PLEKHJ1: variants seen among roughly 807,000 people sequenced by gnomAD.
PLEKHJ1 encodes pleckstrin homology domain-containing family J member 1.
PLEKHJ1 carries 20 observed loss-of-function variants against 21.7 expected under a neutral mutation model. The ratio of observed to expected loss-of-function variants is 0.92; its 90% CI spans 0.65 to 1.34. The LOEUF is 1.34. PLEKHJ1 is among the 40% of genes most tolerant of loss of function. The probability of loss-of-function intolerance (pLI) is 0.00; values close to 1 mark genes in which losing one functional copy is unlikely to be tolerated. For synonymous variants in PLEKHJ1, 113 were observed against 80.6 expected (o/e 1.40, Z -2.15); for missense variants, 241 against 202.0 (o/e 1.19, Z -1.17).
chr19:2,232,160 CTG>C (rs1167240233), downstream of PLEKHJ1: 1 of 219,168 alleles, frequency 4.6e-6, no homozygotes, highest in Non-Finnish European at 9.1e-6. Context: ...CTGCTGCTGA[CTG>C]TGGGTGGGCG....
At chr19:2,235,738 G>C (rs931418442) in intron 3 of PLEKHJ1, 24 bp downstream of exon 3, 95 of 1,540,386 alleles carry the variant, frequency 6.2e-5, no homozygotes, top group Non-Finnish European at 7.8e-5. Context: ...GGGAAGCGCC[G>C]CTGGCTTCCC....
At chr19:2,230,303 C>CAA (rs2024543836), downstream of PLEKHJ1, 1 of 416,350 alleles carries the variant, frequency 2.4e-6, no homozygotes, top group African/African-American at 2.1e-5. Context: ...GGCCCGTCGC[C>CAA]ACCACATTCC....
At chr19:2,231,863 G>C (rs985749172), downstream of PLEKHJ1, 2 of 220,344 alleles carry the variant, frequency 9.1e-6, no homozygotes, top group African/African-American at 4.5e-5. Context: ...TGCCCACGCA[G>C]GCCACCGTAT....
chr19:2,234,150 C>T lies in PLEKHJ1; in HGVS notation c.320G>A (p.Ser107Asn), dbSNP rs200839174. The change falls in exon 4 of 6, where the codon AGC becomes AAC. Residue 107 changes from serine to asparagine, a missense_variant and splice_region_variant. Coordinates refer to ENST00000326631, the MANE Select transcript of PLEKHJ1 (RefSeq NM_018049.3). ...AGTGCCCACCACCGCCTGGCCCCACCTGGCCCGACGCAGAGCCTCCATCCA... is the reference window on the plus strand; with the variant it reads ...AGTGCCCACCACCGCCTGGCCCCACTTGGCCCGACGCAGAGCCTCCATCCA... The part of the protein sequence containing the change: ...QEWMEALRRA[S>N]YEFMRRSLIF... The T allele has an allele frequency of 6.6e-5, 106 of 1,612,410 alleles. No homozygotes were observed. The highest frequency in any genetic ancestry group is 8.6e-5 in the Non-Finnish European group (102 of 1,179,972).
Position 2,236,299 on chromosome 19 carries a change from C to G in PLEKHJ1, c.-51G>C. On this transcript the variant is annotated 5_prime_UTR_variant, in exon 1 of 6. Coordinates refer to ENST00000326631, the MANE Select transcript of PLEKHJ1 (RefSeq NM_018049.3). ...GCCGCGCCCTCCCGGCCGCCGTCCC[C>G]GCTCAGGCTGGGGCCGGCGCCAAAA... is the stretch of plus-strand genomic sequence containing the variant. 3 of 1,210,432 alleles carry G rather than the reference C, an allele frequency of 2.5e-6. No individual in the cohort carries two copies. The highest frequency in any genetic ancestry group is 2.1e-5 in the South Asian group (1 of 47,800). 75.0% of individuals were successfully genotyped at this position (1,210,432 alleles called of 1,614,324 possible).
At chr19:2,234,474 G>A (rs889063429) in intron 3 of PLEKHJ1, 14 of 490,606 alleles carry the variant, frequency 2.9e-5, no homozygotes, top group South Asian at 5.7e-5. Context: ...GCTTTGAGAG[G>A]CCAAGGTGGG....
Position 2,233,555 on chromosome 19 carries a change from C to T in PLEKHJ1, c.*285G>A. 1.9e-6 allele frequency: 1 copy of T among 526,362 alleles called. No individual in the cohort carries two copies. Among genetic ancestry groups the T allele is most frequent in the Non-Finnish European group, 3.4e-6 (1 of 297,060 alleles). The allele number at this position is 526,362 out of a possible 1,614,324, so 32.6% of individuals were successfully genotyped here. ...CCTGGCTTCAGGCTTTGGATGTCTC[C>T]AAACCAAAAACCTCCCACTGAAAAT... On this transcript the variant is annotated 3_prime_UTR_variant, in exon 6 of 6. Coordinates refer to ENST00000326631, the MANE Select transcript of PLEKHJ1 (RefSeq NM_018049.3).
chr19:2,231,277 G>A (rs1186660840), downstream of PLEKHJ1: 1 of 224,482 alleles, frequency 4.5e-6, no homozygotes, highest in East Asian at 6.4e-5. Context: ...GCATCGGGGA[G>A]CCCCTTCCCC....
intron 1 of PLEKHJ1, 69 bp downstream of exon 1, chr19:2,236,086 A>T (rs984837945): frequency 7.2e-7 from 1 of 1,385,392 alleles, no homozygotes; most frequent in East Asian, 3.0e-5. Context: ...GGCCTCCGGC[A>T]CCCCCGCCCA....
chr19:2,233,633 G>A lies in PLEKHJ1; in HGVS notation c.*207C>T, dbSNP rs1230216129. ...TCATGCCTGTGATCCCCGCTACTTGGGAAGCTGAGGCAGGAGGATCACTTG... is the reference window on the plus strand; with the variant it reads ...TCATGCCTGTGATCCCCGCTACTTGAGAAGCTGAGGCAGGAGGATCACTTG... On this transcript the variant is annotated 3_prime_UTR_variant, in exon 6 of 6. Coordinates refer to ENST00000326631, the MANE Select transcript of PLEKHJ1 (RefSeq NM_018049.3). 10 of 573,858 alleles carry A rather than the reference G, an allele frequency of 1.7e-5. No homozygotes were observed. The Admixed American group carries it at 3.2e-4, about 18-fold the overall frequency. The allele number at this position is 573,858 out of a possible 1,614,324, so 35.5% of individuals were successfully genotyped here.
rs1025663357 is a variant in PLEKHJ1 at position 2,235,997 on chromosome 19, G to A, written c.95-7C>T. On this transcript the variant is annotated splice_region_variant and splice_polypyrimidine_tract_variant and intron_variant, in intron 1 of 5. Coordinates refer to ENST00000326631, the MANE Select transcript of PLEKHJ1 (RefSeq NM_018049.3). ...ACCAGCCGCCGCTTCAGCACTGCGG[G>A]CACAGCGCGCACTCAGGGGCGCAGG... is the stretch of plus-strand genomic sequence containing the variant. 2 of 1,604,030 alleles carry A rather than the reference G, an allele frequency of 1.2e-6. No homozygotes were observed. The highest frequency in any genetic ancestry group is 1.7e-4 in the Middle Eastern group (1 of 5,976).
intron 3 of PLEKHJ1, chr19:2,235,149 C>T (rs2024753074): frequency 6.6e-6 from 1 of 152,330 alleles, no homozygotes; most frequent in Admixed American, 6.5e-5. Context: ...GCCAAGGAAC[C>T]TGGAGGATAC....
Position 2,236,138 on chromosome 19 carries a change from TC to T in PLEKHJ1, c.94+16del. The T allele has an allele frequency of 6.8e-7, 1 of 1,464,182 alleles. No individual in the cohort carries two copies. Among genetic ancestry groups the T allele is most frequent in the Non-Finnish European group, 9.0e-7 (1 of 1,109,604 alleles). The allele number at this position is 1,464,182 out of a possible 1,614,324, so 90.7% of individuals were successfully genotyped here. On this transcript the variant is annotated intron_variant, in intron 1 of 5. Transcript: ENST00000326631. ...TCCCGCCCCTGGCACTGTCTCGGTC[TC>T]CCGGGTCCCGCTCACCGCTGCCCTT...
chr19:2,234,252 AC>A lies in PLEKHJ1; in HGVS notation c.230-13del. 1 of 1,606,290 alleles carries A rather than the reference AC, an allele frequency of 6.2e-7. No individual in the cohort carries two copies. The highest frequency in any genetic ancestry group is 8.5e-7 in the Non-Finnish European group (1 of 1,174,618). On this transcript the variant is annotated splice_polypyrimidine_tract_variant and intron_variant, in intron 3 of 5. Coordinates refer to ENST00000326631, the MANE Select transcript of PLEKHJ1 (RefSeq NM_018049.3). Reference sequence around the variant, plus strand: ...GTCCTCAATGAAGCCTGGGGATGGAACACCTGTGGTCGGTCCTACCCACAGC... The same window carrying A: ...GTCCTCAATGAAGCCTGGGGATGGAAACCTGTGGTCGGTCCTACCCACAGC...
At chr19:2,230,108 G>T (rs2024533668), downstream of PLEKHJ1, 1 of 545,062 alleles carries the variant, frequency 1.8e-6, no homozygotes, top group African/African-American at 1.9e-5. Flanking sequence ...TCTATATAAA[G>T]ACACGTGTCT....
downstream of PLEKHJ1, chr19:2,232,144 GTGC>G (rs569920372): frequency 3.1e-5 from 7 of 223,298 alleles, no homozygotes; most frequent in Admixed American, 1.1e-4. Context: ...GCGGGGACCT[GTGC>G]TGCTGCTGCT....
chr19:2,234,571 T>C (rs2024733845), intron 3 of PLEKHJ1: 1 of 284,224 alleles, frequency 3.5e-6, no homozygotes, highest in Non-Finnish European at 6.7e-6. Flanking sequence ...TAGCCAGGTG[T>C]GGTGGTGGGG....
Position 2,234,131 on chromosome 19 carries a change from C to T in PLEKHJ1, c.320+19G>A. On this transcript the variant is annotated intron_variant, in intron 4 of 5. Coordinates refer to ENST00000326631, the MANE Select transcript of PLEKHJ1 (RefSeq NM_018049.3). ...CTGCTGTGCCCACCCCAGCAGTGCC[C>T]ACCACCGCCTGGCCCCACCTGGCCC... The T allele has an allele frequency of 6.2e-7, 1 of 1,612,236 alleles. No homozygotes were observed. The highest frequency in any genetic ancestry group is 1.1e-5 in the South Asian group (1 of 91,062).
At chr19:2,234,619 G>A in intron 3 of PLEKHJ1, 1 of 236,228 alleles carries the variant, frequency 4.2e-6, no homozygotes, top group Non-Finnish European at 8.4e-6. Flanking sequence ...AGAAGTGGGA[G>A]GACTGCTTGA....
Sources: allele counts gnomAD v4.1 joint callset, GRCh38; gene constraint gnomAD v4.1.1; transcripts MANE v1.5; gene names NCBI Gene and HGNC (gene_info 2026-07-23, HGNC 2026-07-21).